ASTN1: variants seen among roughly 807,000 people sequenced by gnomAD.
The protein encoded by ASTN1 is astrotactin-1.
Under a neutral mutation model 140.7 loss-of-function variants are expected in ASTN1, and 41 were observed. That is an observed-to-expected ratio of 0.29 (90% CI 0.23 to 0.38). ASTN1 has a LOEUF of 0.38. ASTN1 is among the 10% of genes least tolerant of loss of function. The pLI is 1.00. For missense variants in ASTN1, 1,479 were observed against 1,678.8 expected, an observed-to-expected ratio of 0.88 and a Z score of 2.08; for synonymous variants, 640 against 652.2, an observed-to-expected ratio of 0.98 and a Z score of 0.29.
chr1:177,093,058 G>A (rs1679841489), intron 1 of ASTN1, among the ~76,000 whole-genome samples: 2 of 152,210 alleles, frequency 1.3e-5, no homozygotes, highest in Admixed American at 1.3e-4. Context: ...GCTCCATGAA[G>A]TCAGGGGCTT....
chr1:176,981,675 T>C (rs1243252653), intron 8 of ASTN1: 2 of 152,512 alleles, frequency 1.3e-5, no homozygotes, highest in African/African-American at 4.8e-5. Flanking sequence ...GATGTGGTGA[T>C]TGATTGGATG....
chr1:176,990,547 A>G (rs1460226414), intron 8 of ASTN1, among the ~76,000 whole-genome samples: 1 of 152,110 alleles, frequency 6.6e-6, no homozygotes, highest in African/African-American at 2.4e-5. Context: ...AAGAGGGGGA[A>G]AAAGGAAGGA....
chr1:177,149,087 T>C (rs1326260343), intron 1 of ASTN1, among the ~76,000 whole-genome samples: 1 of 138,518 alleles, frequency 7.2e-6, no homozygotes, highest in Non-Finnish European at 1.5e-5. Context: ...ATAGTAAACA[T>C]ATATATAGTA....
chr1:176,962,523 T>G (rs537596900), intron 9 of ASTN1, among the ~76,000 whole-genome samples: 6 of 152,322 alleles, frequency 3.9e-5, no homozygotes, highest in Non-Finnish European at 7.4e-5. Context: ...AAGAAGAACA[T>G]CATTTCATTG....
intron 8 of ASTN1, among the ~76,000 whole-genome samples, chr1:176,977,218 T>A (rs973295068): frequency 6.6e-5 from 10 of 152,252 alleles, no homozygotes; most frequent in Non-Finnish European, 1.5e-4. Flanking sequence ...TTTCCCAAAG[T>A]CTTTTTCTAT....
chr1:176,860,485 TAGAG>T (rs1571421958), downstream of ASTN1, among the ~76,000 whole-genome samples: 1 of 152,318 alleles, frequency 6.6e-6, no homozygotes, highest in East Asian at 1.9e-4. Context: ...AGTGGCATTG[TAGAG>T]AGAAAGAAAG....
intron 16 of ASTN1, among the ~76,000 whole-genome samples, chr1:176,923,026 C>G (rs1006356443): frequency 2.0e-5 from 3 of 152,046 alleles, no homozygotes; most frequent in African/African-American, 7.2e-5. Flanking sequence ...ATTGCTAGCC[C>G]CATTTTACAG....
In ASTN1 at chr1:176,976,293, GACAA is replaced by G. The variant is rs1046459434; in HGVS notation, c.1524-11060_1524-11057del. ...TGGTCGTGCACATGTGACACACACT[GACAA>G]ACACACATGTCACAGCTGCAGCATT... On this transcript the variant is annotated intron_variant, in intron 8 of 22. Coordinates refer to ENST00000361833, the MANE Select transcript of ASTN1 (RefSeq NM_004319.3). The G allele has an allele frequency of 2.7e-4, 41 of 152,262 alleles. 1 individual carries two copies. Among genetic ancestry groups the G allele is most frequent in the African/African-American group, 9.4e-4 (39 of 41,542 alleles). 9.4% of individuals were successfully genotyped at this position (152,262 alleles called of 1,614,324 possible). A position where few individuals can be genotyped will look rare whatever the true frequency, so the allele number is the denominator to read the frequency against.
At chr1:177,068,842 T>A (rs1288342149) in intron 1 of ASTN1, among the ~76,000 whole-genome samples, 3 of 148,470 alleles carry the variant, frequency 2.0e-5, no homozygotes, top group Non-Finnish European at 3.0e-5. Flanking sequence ...TTTTTTGAGA[T>A]AGGATCTCAC....
chr1:176,935,709 C>A (rs1671412495), intron 15 of ASTN1, among the ~76,000 whole-genome samples: 1 of 152,144 alleles, frequency 6.6e-6, no homozygotes, highest in Admixed American at 6.5e-5. Context: ...CTCACTGCTG[C>A]TTAACTTACT....
chr1:176,980,145 T>A (rs942036454), intron 8 of ASTN1, among the ~76,000 whole-genome samples: 1 of 151,734 alleles, frequency 6.6e-6, no homozygotes, highest in Non-Finnish European at 1.5e-5. Flanking sequence ...ATTGGAGAAA[T>A]TGAGGAGTTG....
intron 2 of ASTN1, 38 bp from the exon 3 acceptor site, chr1:177,032,887 G>A (rs1434264367): frequency 2.6e-6 from 4 of 1,535,532 alleles, no homozygotes; most frequent in Non-Finnish European, 3.5e-6. Context: ...TGGGAAGATG[G>A]GTAGGCTCTT....
chr1:176,997,511 G>C (rs895616251), intron 8 of ASTN1, among the ~76,000 whole-genome samples: 2 of 152,010 alleles, frequency 1.3e-5, no homozygotes, highest in African/African-American at 4.8e-5. Context: ...GTGATGGGTT[G>C]TGAGGATATC....
chr1:177,135,654 G>A (rs1426814783), intron 1 of ASTN1, among the ~76,000 whole-genome samples: 2 of 152,190 alleles, frequency 1.3e-5, no homozygotes, highest in Admixed American at 1.3e-4. Context: ...GGCTGGGCTT[G>A]GATGTCTGTT....
chr1:176,939,058 G>T (rs1003086108), intron 14 of ASTN1, among the ~76,000 whole-genome samples: 4 of 151,874 alleles, frequency 2.6e-5, no homozygotes, highest in Non-Finnish European at 5.9e-5. Flanking sequence ...GTTGCAGTGG[G>T]CTGAGCTCAC....
intron 16 of ASTN1, among the ~76,000 whole-genome samples, chr1:176,930,211 A>T (rs1168349225): frequency 6.6e-6 from 1 of 152,166 alleles, no homozygotes; most frequent in African/African-American, 2.4e-5. Context: ...AAAGAGGAGG[A>T]TCAAGAAGGA....
Position 177,065,049 on chromosome 1 carries a change from G to A in ASTN1, c.284-3784C>T, listed in dbSNP as rs556360930. Among the ~76,000 whole-genome samples the A allele has an allele frequency of 8.5e-5, 13 of 152,302 alleles. No individual in the cohort carries two copies. In the South Asian group the frequency reaches 1.9e-3, roughly 22 times the overall value. On this transcript the variant is annotated intron_variant, in intron 1 of 22. Coordinates refer to ENST00000361833, the MANE Select transcript of ASTN1 (RefSeq NM_004319.3). ...CCAATGCAAGCCTGCCATGAGGCTC[G>A]CAAAAGCAAATTTGGGAGGTGATAG... is the stretch of plus-strand genomic sequence containing the variant.
intron 8 of ASTN1, among the ~76,000 whole-genome samples, chr1:176,979,860 G>T (rs929538177): frequency 6.6e-6 from 1 of 152,152 alleles, no homozygotes; most frequent in Non-Finnish European, 1.5e-5. Flanking sequence ...GATGAAAAGA[G>T]GAAGAGGAAG....
chr1:177,051,422 T>C (rs1161969944), intron 2 of ASTN1, among the ~76,000 whole-genome samples: 1 of 152,208 alleles, frequency 6.6e-6, no homozygotes, highest in African/African-American at 2.4e-5. Flanking sequence ...ATACTGTGCA[T>C]GGTTACTTGG....
Sources: gnomAD v4.1 joint callset for allele counts (sites outside exome capture counted in the v4.1 genomes callset) on GRCh38, gnomAD v4.1.1 for gene constraint, MANE v1.5 for transcripts, NCBI Gene and HGNC (gene_info 2026-07-23, HGNC 2026-07-21) for gene names.